Variants in AGGF1 observed in about 807,000 individuals in gnomAD.
The protein encoded by AGGF1 is angiogenic factor with G patch and FHA domains 1.
AGGF1 carries 56 observed loss-of-function variants against 86.5 expected under a neutral mutation model. The ratio of observed to expected loss-of-function variants is 0.65; its 90% CI spans 0.52 to 0.81. The LOEUF is 0.81. Among genes scored for constraint, AGGF1 ranks in the 30% least tolerant of loss-of-function variants. AGGF1 has a pLI of 0.00. For synonymous variants in AGGF1, 313 were observed against 297.1 expected, an observed-to-expected ratio of 1.05 and a Z score of -0.55; for missense variants, 816 against 850.9, an observed-to-expected ratio of 0.96 and a Z score of 0.51.
At chr5:77,061,528 A>G (rs937017945) in intron 12 of AGGF1, among the ~76,000 whole-genome samples, 175 bp from the exon 13 acceptor site, 1 of 152,236 alleles carries the variant, frequency 6.6e-6, no homozygotes, top group Non-Finnish European at 1.5e-5. Context: ...GCACATGCAC[A>G]TGCTTTTCTA....
At chr5:77,037,656 G>C (rs945934257) in intron 4 of AGGF1, among the ~76,000 whole-genome samples, 32 of 152,082 alleles carry the variant, frequency 2.1e-4, no homozygotes, top group African/African-American at 6.8e-4. Flanking sequence ...TCACCCTCTA[G>C]TCCCAGCTAC....
rs1409599276 is a variant in AGGF1 at position 77,055,596 on chromosome 5, G to C, written c.1716G>C (p.Gln572His). The C allele has an allele frequency of 6.4e-7, 1 of 1,568,320 alleles. No individual in the cohort carries two copies. Among genetic ancestry groups the C allele is most frequent in the African/African-American group, 1.4e-5 (1 of 73,882 alleles). Residue 572 changes from glutamine (Q) to histidine (H), a missense_variant and splice_region_variant, in exon 11 of 14, where the codon CAG (glutamine) becomes CAC (histidine). Gln to His is a conservative substitution (Grantham distance 24). This residue lies in a region of AGGF1 where 565 missense variants were observed against 585.8 expected (regional missense o/e 0.96). Coordinates refer to ENST00000312916, the MANE Select transcript of AGGF1 (RefSeq NM_018046.5). ...LKKIRVKYGL[Q>H]NTEYEDEKTL... ...AAATACGAGTAAAATATGGTTTACA[G>C]GTGAGGATGTTGAATATTGTTTCAT...
chr5:77,059,367 G>C (rs1349341704), intron 11 of AGGF1, among the ~76,000 whole-genome samples: 1 of 152,076 alleles, frequency 6.6e-6, no homozygotes, highest in African/African-American at 2.4e-5. Flanking sequence ...ATCAAGTAGA[G>C]ATGGGGGTCT....
intron 13 of AGGF1, among the ~76,000 whole-genome samples, 183 bp downstream of exon 13, chr5:77,061,985 T>G (rs1038507973): frequency 3.9e-5 from 6 of 152,212 alleles, no homozygotes; most frequent in Non-Finnish European, 8.8e-5. Context: ...GTGTTTTATA[T>G]TTTTAGAAAG....
intron 4 of AGGF1, 105 bp downstream of exon 4, chr5:77,036,825 C>G (rs768071371): frequency 7.9e-7 from 1 of 1,259,082 alleles, no homozygotes; most frequent in African/African-American, 1.5e-5. Context: ...GCAACTTTCA[C>G]CCCCCAGGTT....
At chr5:77,049,393 A>C (rs564602694) in intron 8 of AGGF1, among the ~76,000 whole-genome samples, 115 of 152,268 alleles carry the variant, frequency 7.6e-4, no homozygotes, top group African/African-American at 2.6e-3. Flanking sequence ...TATACCACTC[A>C]GGGTTCTTGT....
chr5:77,062,423 G>C (rs1454053599), intron 13 of AGGF1, among the ~76,000 whole-genome samples: 1 of 152,160 alleles, frequency 6.6e-6, no homozygotes, highest in Non-Finnish European at 1.5e-5. Flanking sequence ...GGATTTTGTA[G>C]TCAGACCTAG....
At chr5:77,055,439 TA>T in intron 10 of AGGF1, 74 bp from the exon 11 acceptor site, 6 of 939,540 alleles carry the variant, frequency 6.4e-6, no homozygotes, top group Non-Finnish European at 8.3e-6. Context: ...TTTTATTAAT[TA>T]AATAACATTA....
chr5:77,031,074 C>A, intron 1 of AGGF1, 98 bp downstream of exon 1: 2 of 1,293,730 alleles, frequency 1.5e-6, no homozygotes, highest in Non-Finnish European at 2.2e-6. Context: ...GGGCTCAGAA[C>A]TACTGTAGAG....
rs1208340716 is a variant in AGGF1, at chr5:77,036,736, C to T, written c.681+16C>T. The T allele has an allele frequency of 6.2e-7, 1 of 1,611,346 alleles. No individual in the cohort carries two copies. ...TTATGATTCTGTAAGTATCTCAGAC[C>T]TTTTTGTTTTGTTTTGTTTTTGAGA... is the stretch of plus-strand genomic sequence containing the variant. On this transcript the variant is annotated intron_variant, in intron 4 of 13. Coordinates refer to ENST00000312916, the MANE Select transcript of AGGF1 (RefSeq NM_018046.5).
intron 2 of AGGF1, 36 bp from the exon 3 acceptor site, chr5:77,035,505 A>G (rs764496004): frequency 2.7e-6 from 4 of 1,499,826 alleles, no homozygotes; most frequent in Non-Finnish European, 3.7e-6. Flanking sequence ...ACATTATTCT[A>G]ATATGATACG....
chr5:77,060,860 T>C (rs933119889), intron 12 of AGGF1, among the ~76,000 whole-genome samples: 6 of 152,126 alleles, frequency 3.9e-5, no homozygotes, highest in African/African-American at 1.4e-4. Context: ...AATATAATCT[T>C]GGAGAGTATA....
Position 77,059,744 on chromosome 5 carries a change from G to A in AGGF1, c.1844+1G>A, listed in dbSNP as rs779532547. 12 of 1,613,538 alleles carry A rather than the reference G, an allele frequency of 7.4e-6. No homozygotes were observed. Among genetic ancestry groups the A allele is most frequent in the Non-Finnish European group, 1.0e-5 (12 of 1,179,620 alleles). On this transcript the variant is annotated splice_donor_variant, in intron 12 of 13. Coordinates refer to ENST00000312916, the MANE Select transcript of AGGF1 (RefSeq NM_018046.5). LOFTEE classifies it high-confidence loss of function. ...ATGATGCTCCTGCATCTGTTCATTC[G>A]TAAGTTTTGAATTACAGTGGCTCGA...
intron 8 of AGGF1, among the ~76,000 whole-genome samples, chr5:77,051,787 A>G (rs533012280): frequency 7.2e-5 from 11 of 152,300 alleles, no homozygotes; most frequent in Admixed American, 2.0e-4. Context: ...AAAACCTTGG[A>G]AAAAAACCCT....
chr5:77,041,273 G>A (rs568512875), intron 5 of AGGF1, among the ~76,000 whole-genome samples: 1 of 152,188 alleles, frequency 6.6e-6, no homozygotes. Context: ...TTGTTTGAAA[G>A]GCTAGGTTGT....
rs1580138763 is a variant in AGGF1 at position 77,062,909 on chromosome 5, G to C, written c.1945-143G>C. The C allele has an allele frequency of 5.1e-6, 4 of 789,302 alleles. No homozygotes were observed. In the East Asian group the frequency reaches 9.7e-5, roughly 19 times the overall value. The allele number at this position is 789,302 out of a possible 1,614,324, so 48.9% of individuals were successfully genotyped here. On this transcript the variant is annotated intron_variant, in intron 13 of 13. Coordinates refer to ENST00000312916, the MANE Select transcript of AGGF1 (RefSeq NM_018046.5). The stretch of plus-strand genomic sequence containing the variant: ...CATGTATAAAGGTATATATATTCCT[G>C]TATGTATTTGATGCATCTGACAGGT...
At chr5:77,055,857 A>G (rs1218394031) in intron 11 of AGGF1, among the ~76,000 whole-genome samples, 1 of 152,174 alleles carries the variant, frequency 6.6e-6, no homozygotes, top group Non-Finnish European at 1.5e-5. Flanking sequence ...ACTAGACATG[A>G]TAGTGTCTGT....
intron 9 of AGGF1, 86 bp downstream of exon 9, chr5:77,052,893 T>C: frequency 8.5e-7 from 1 of 1,173,170 alleles, no homozygotes; most frequent in Non-Finnish European, 1.3e-6. Context: ...TCTTTATCAT[T>C]TGGTTCAGAG....
In AGGF1 at chr5:77,030,553, G is replaced by T. The variant is rs1005857503; in HGVS notation, c.-214G>T. 1 of 702,630 alleles carries T rather than the reference G, an allele frequency of 1.4e-6. No individual in the cohort carries two copies. Among genetic ancestry groups the T allele is most frequent in the Non-Finnish European group, 2.6e-6 (1 of 388,164 alleles). 43.5% of individuals were successfully genotyped at this position (702,630 alleles called of 1,614,324 possible). On this transcript the variant is annotated 5_prime_UTR_variant, in exon 1 of 14. Coordinates refer to ENST00000312916, the MANE Select transcript of AGGF1 (RefSeq NM_018046.5). ...CCGGTTTGCAGGCCGCGCACATCGG[G>T]CAGGGGCCATCCTCGGTCCCCTTGC...
Sources: gnomAD v4.1 joint callset for allele counts (sites outside exome capture counted in the v4.1 genomes callset) on GRCh38, gnomAD v4.1.1 for gene constraint, gnomAD v4.1.1 regional missense constraint, MANE v1.5 for transcripts, NCBI Gene and HGNC (gene_info 2026-07-23, HGNC 2026-07-21) for gene names.